GLS: variants seen among roughly 807,000 people sequenced by gnomAD.
The protein encoded by GLS is glutaminase kidney isoform, mitochondrial.
Under a neutral mutation model 86.7 loss-of-function variants are expected in GLS, and 36 were observed. That is an observed-to-expected ratio of 0.42 (90% confidence interval 0.32 to 0.55). The LOEUF (loss-of-function observed/expected upper bound fraction) is 0.55, where lower values mean the gene tolerates loss of function less well. GLS is among the 20% of genes least tolerant of loss of function. The pLI is 0.17. For missense variants in GLS, 528 were observed against 833.4 expected (o/e 0.63, Z 4.51); for synonymous variants, 317 against 305.9 (o/e 1.04, Z -0.38).
At position 190,902,152 on chromosome 2, in the gene GLS, GTAAA is replaced by G; in HGVS notation, c.815+132_815+135del. 3 of 558,408 alleles carry G rather than the reference GTAAA, an allele frequency of 5.4e-6. No homozygotes were observed. In the South Asian group the frequency reaches 8.3e-5, roughly 15 times the overall value. The allele number at this position is 558,408 out of a possible 1,614,324, so 34.6% of individuals were successfully genotyped here. The stretch of plus-strand genomic sequence containing the variant: ...TCCTAACAGGATATAATTTCAAAAG[GTAAA>G]TAAATTTAAATTTTAATGTAATTTT... On this transcript the variant is annotated intron_variant, in intron 5 of 17. Transcript: ENST00000320717.
intron 7 of GLS, among the ~76,000 whole-genome samples, chr2:190,912,171 T>G (rs1689383169): frequency 6.6e-6 from 1 of 152,104 alleles, no homozygotes; most frequent in African/African-American, 2.4e-5. Flanking sequence ...TGGTTCAGTG[T>G]TCAACAGTGC....
rs1036143990 is a variant in GLS, at chr2:190,881,525, G to A, written c.386+55G>A. ...TCGTTCCTTTCGGGGCCCGGGCTCAGGCTGTGTGGGGCCCTGCGGTGGGGC... is the reference window on the plus strand; with the variant it reads ...TCGTTCCTTTCGGGGCCCGGGCTCAAGCTGTGTGGGGCCCTGCGGTGGGGC... On this transcript the variant is annotated intron_variant, in intron 1 of 17. Transcript: ENST00000320717. 11 of 1,465,316 alleles carry A rather than the reference G, an allele frequency of 7.5e-6. No homozygotes were observed. The African/African-American group carries it at 1.0e-4, about 14-fold the overall frequency. The allele number at this position is 1,465,316 out of a possible 1,614,324, so 90.8% of individuals were successfully genotyped here.
chr2:190,936,965 C>G (rs1043006095), intron 14 of GLS, among the ~76,000 whole-genome samples: 1 of 151,244 alleles, frequency 6.6e-6, no homozygotes, highest in South Asian at 2.1e-4. Flanking sequence ...TCAATTACTT[C>G]TCTACCATTT....
At chr2:190,928,987 A>G (rs563112184) in intron 12 of GLS, among the ~76,000 whole-genome samples, 1 of 69,820 alleles carries the variant, frequency 1.4e-5, no homozygotes, top group Non-Finnish European at 2.9e-5. Context: ...TTGTTTGTTT[A>G]TTTATTTATT....
chr2:190,950,328 C>T (rs759045325), intron 14 of GLS, among the ~76,000 whole-genome samples: 13 of 152,198 alleles, frequency 8.5e-5, no homozygotes, highest in Admixed American at 4.6e-4. Context: ...TGGAAAGGCA[C>T]GGGAGTTCCT....
chr2:190,965,551 AACT>A (rs1044738537), exon 18 of GLS: 2 of 152,492 alleles, frequency 1.3e-5, no homozygotes, highest in African/African-American at 4.8e-5. This position sits in a 1 kb window ranked among gnomAD's most constrained non-coding sequence, Gnocchi z 5.0. Flanking sequence ...TCAAAAAAAA[AACT>A]GTGTGGAAAA....
In GLS at chr2:190,964,759, G is replaced by A. The variant is rs1691085290; in HGVS notation, c.*1773G>A. 6.6e-6 allele frequency: 1 copy of A among 152,116 alleles called. No homozygotes were observed. Among genetic ancestry groups the A allele is most frequent in the Admixed American group, 6.5e-5 (1 of 15,276 alleles). 9.4% of individuals were successfully genotyped at this position (152,116 alleles called of 1,614,324 possible). ...GCACAGGAGCAGCATTATCCCCAAA[G>A]ATATTACAGGGTAGACACGTTTTAA... is the stretch of plus-strand genomic sequence containing the variant. On this transcript the variant is annotated 3_prime_UTR_variant, in exon 18 of 18. Transcript: ENST00000320717. This position sits in a 1 kb window ranked among gnomAD's most constrained non-coding sequence, Gnocchi z 5.2.
intron 9 of GLS, among the ~76,000 whole-genome samples, chr2:190,922,577 C>T (rs900288801): frequency 6.6e-6 from 1 of 152,150 alleles, no homozygotes; most frequent in South Asian, 2.1e-4. Context: ...GTTGTGTCTT[C>T]CAGTTCATTT....
At position 190,951,080 on chromosome 2, in the gene GLS, G is replaced by A. The variant is rs73979307; in HGVS notation, c.1651-2485G>A. 2.8e-3 allele frequency among the ~76,000 whole-genome samples: 426 copies of A among 152,278 alleles called. 2 individuals carry two copies. The highest frequency in any genetic ancestry group is 9.4e-3 in the African/African-American group (391 of 41,562). ...GGAAGTCAGTGTGCCCAGAGGAATAGATGAATTCTTTGAGGGACATTATAT... is the reference window on the plus strand; with the variant it reads ...GGAAGTCAGTGTGCCCAGAGGAATAAATGAATTCTTTGAGGGACATTATAT... On this transcript the variant is annotated intron_variant, in intron 14 of 17. Coordinates refer to ENST00000320717, the MANE Select transcript of GLS (RefSeq NM_014905.5). This position sits in a 1 kb window ranked among gnomAD's most constrained non-coding sequence, Gnocchi z 4.2.
Position 190,953,348 on chromosome 2 carries a change from T to C in GLS, c.1651-217T>C, listed in dbSNP as rs1397265264. 6.6e-6 allele frequency among the ~76,000 whole-genome samples: 1 copy of C among 152,178 alleles called. No homozygotes were observed. The highest frequency in any genetic ancestry group is 2.4e-5 in the African/African-American group (1 of 41,440). On this transcript the variant is annotated intron_variant, in intron 14 of 17. Transcript: ENST00000320717. The surrounding 1 kb of genome is among the most constrained non-coding windows in gnomAD (Gnocchi z 4.0). ...ATTCCATTCCTTCCCTTGTGTATCT[T>C]ATCTTTATTATTGAATTTTCCCTCA...
At chr2:190,907,190 C>T (rs1558974714) in intron 6 of GLS, among the ~76,000 whole-genome samples, 1 of 150,734 alleles carries the variant, frequency 6.6e-6, no homozygotes, top group Non-Finnish European at 1.5e-5. Flanking sequence ...TCCCAAAGTG[C>T]TGGGATTACA....
chr2:190,895,746 T>G lies in GLS; in HGVS notation c.605+21T>G. The G allele has an allele frequency of 6.4e-7, 1 of 1,570,020 alleles. No homozygotes were observed. Among genetic ancestry groups the G allele is most frequent in the Non-Finnish European group, 8.7e-7 (1 of 1,151,376 alleles). ...AAAAAGTAAAAGTTTCTGCCAAACCTTTAATGGTGATTTGCTATGCTATAC... is the reference window on the plus strand; with the variant it reads ...AAAAAGTAAAAGTTTCTGCCAAACCGTTAATGGTGATTTGCTATGCTATAC... On this transcript the variant is annotated intron_variant, in intron 3 of 17. Coordinates refer to ENST00000320717, the MANE Select transcript of GLS (RefSeq NM_014905.5). This position sits in a 1 kb window ranked among gnomAD's most constrained non-coding sequence, Gnocchi z 4.2.
chr2:190,936,970 C>T (rs1485865326), intron 14 of GLS, among the ~76,000 whole-genome samples: 2 of 151,226 alleles, frequency 1.3e-5, no homozygotes, highest in Non-Finnish European at 3.0e-5. Flanking sequence ...TACTTCTCTA[C>T]CATTTTATAT....
At chr2:190,944,268 G>A (rs1031213774) in intron 14 of GLS, among the ~76,000 whole-genome samples, 1 of 151,230 alleles carries the variant, frequency 6.6e-6, no homozygotes, top group Admixed American at 6.6e-5. Context: ...TCGCTTTTAA[G>A]TTCTTTGACT....
chr2:190,942,434 C>T (rs144962683), intron 14 of GLS, among the ~76,000 whole-genome samples: 16 of 152,208 alleles, frequency 1.1e-4, no homozygotes, highest in African/African-American at 3.9e-4. Context: ...TTAAATACTG[C>T]TCTGCGGAGA....
At chr2:190,926,741 C>CT (rs1239044263) in intron 11 of GLS, among the ~76,000 whole-genome samples, 1 of 152,124 alleles carries the variant, frequency 6.6e-6, no homozygotes, top group African/African-American at 2.4e-5. Context: ...TTGGTTTAGG[C>CT]TTACAGAGCA....
chr2:190,904,229 T>C (rs1299061808), intron 5 of GLS, among the ~76,000 whole-genome samples: 3 of 152,076 alleles, frequency 2.0e-5, no homozygotes, highest in East Asian at 3.8e-4. Flanking sequence ...GAGAATAGTA[T>C]TGAATCTAAA....
chr2:190,880,913 CAGCAG>C lies in GLS; in HGVS notation c.-171_-167del. 6 of 889,618 alleles carry C rather than the reference CAGCAG, an allele frequency of 6.7e-6. 2 individuals carry two copies. Among genetic ancestry groups the C allele is most frequent in the Non-Finnish European group, 1.0e-5 (6 of 583,448 alleles). 55.1% of individuals were successfully genotyped at this position (889,618 alleles called of 1,614,324 possible). On this transcript the variant is annotated 5_prime_UTR_variant, in exon 1 of 18. Coordinates refer to ENST00000320717, the MANE Select transcript of GLS (RefSeq NM_014905.5). ...GCAGCAGCAGCAGCAGCAGCAGCAG[CAGCAG>C]CACCCGCATCCGCTGCGGGAGTCCG...
In GLS at chr2:190,920,217, C is replaced by T. The variant is rs1473231764; in HGVS notation, c.1039-807C>T. On this transcript the variant is annotated intron_variant, in intron 7 of 17. Coordinates refer to ENST00000320717, the MANE Select transcript of GLS (RefSeq NM_014905.5). This position sits in a 1 kb window ranked among gnomAD's most constrained non-coding sequence, Gnocchi z 4.2. Reference sequence around the variant, plus strand: ...CCAATTAATACGTTTGATTTCAGATCTACAACTTACTGCTTTGTAAACTTC... The same window carrying T: ...CCAATTAATACGTTTGATTTCAGATTTACAACTTACTGCTTTGTAAACTTC... 6.6e-6 allele frequency: 1 copy of T among 152,030 alleles called. No homozygotes were observed. The highest frequency in any genetic ancestry group is 1.9e-4 in the East Asian group (1 of 5,188). 9.4% of individuals were successfully genotyped at this position (152,030 alleles called of 1,614,324 possible). A position where few individuals can be genotyped will look rare whatever the true frequency, so the allele number is the denominator to read the frequency against.
Sources: allele counts gnomAD v4.1 joint callset (sites outside exome capture counted in the v4.1 genomes callset), GRCh38; gene constraint gnomAD v4.1.1; non-coding constraint Gnocchi (gnomAD v3.1); transcripts MANE v1.5; gene names NCBI Gene and HGNC (gene_info 2026-07-23, HGNC 2026-07-21).